Variants in RIPK2 observed in about 807,000 individuals in gnomAD.
RIPK2 encodes the protein receptor interacting serine/threonine kinase 2, also known as receptor-interacting serine/threonine-protein kinase 2.
A neutral mutation model predicts 60.9 loss-of-function variants in RIPK2; 38 were observed. The ratio of observed to expected loss-of-function variants is 0.62; its 90% CI spans 0.48 to 0.82. The LOEUF (loss-of-function observed/expected upper bound fraction) is 0.82. Ranked by LOEUF, RIPK2 falls within the 40% of genes least tolerant of loss-of-function variation. The probability of loss-of-function intolerance (pLI) is 0.00; values close to 1 mark genes in which losing one functional copy is unlikely to be tolerated. For missense variants in RIPK2, 518 were observed against 647.0 expected (o/e 0.80, Z 2.16); for synonymous variants, 225 against 223.4 (o/e 1.01, Z -0.06).
rs781576459 is a variant in RIPK2, at chr8:89,758,247, G to A, written c.173+14G>A. ...GCTGCTCGACAGGTAGGCAGTCACT[G>A]GGGTTCCCTGGAAGAGCCCTCAACT... is the stretch of plus-strand genomic sequence containing the variant. On this transcript the variant is annotated intron_variant, in intron 1 of 10. Coordinates refer to ENST00000220751, the MANE Select transcript of RIPK2 (RefSeq NM_003821.6). 13 of 1,586,490 alleles carry A rather than the reference G, an allele frequency of 8.2e-6. No individual in the cohort carries two copies. The highest frequency in any genetic ancestry group is 1.3e-5 in the African/African-American group (1 of 74,078).
At chr8:89,788,568 C>T (rs1490787463) in intron 9 of RIPK2, among the ~76,000 whole-genome samples, 3 of 150,300 alleles carry the variant, frequency 2.0e-5, no homozygotes, top group Non-Finnish European at 4.4e-5. Flanking sequence ...CCTGAGGTCA[C>T]GAGTTCAAGA....
At chr8:89,761,722 A>AC (rs1809147941) in intron 1 of RIPK2, among the ~76,000 whole-genome samples, 1 of 151,492 alleles carries the variant, frequency 6.6e-6, no homozygotes, top group South Asian at 2.1e-4. Context: ...TAAAAAAAAA[A>AC]AAAGTTTCCA....
In RIPK2 at chr8:89,758,183, C is replaced by T; in HGVS notation, c.123C>T (p.Arg41=). The change falls in exon 1 of 11, where the codon CGC becomes CGT. Residue 41 remains arginine, a synonymous_variant. Transcript: ENST00000220751. ...TVSSARHADW[R]VQVAVKHLHI... Reference sequence around the variant, plus strand: ...CGTCCGCCCGCCACGCAGACTGGCGCGTCCAGGTGGCCGTGAAGCACCTGC... The same window carrying T: ...CGTCCGCCCGCCACGCAGACTGGCGTGTCCAGGTGGCCGTGAAGCACCTGC... 6.2e-7 allele frequency: 1 copy of T among 1,610,402 alleles called. No individual in the cohort carries two copies. Among genetic ancestry groups the T allele is most frequent in the East Asian group, 2.2e-5 (1 of 44,722 alleles).
At position 89,791,029 on chromosome 8, in the gene RIPK2, C is replaced by T. The variant is rs1809669883; in HGVS notation, c.*613C>T. 6.6e-6 allele frequency: 1 copy of T among 152,178 alleles called. No homozygotes were observed. Among genetic ancestry groups the T allele is most frequent in the Non-Finnish European group, 1.5e-5 (1 of 68,020 alleles). The allele number at this position is 152,178 out of a possible 1,614,324, so 9.4% of individuals were successfully genotyped here. A position where few individuals can be genotyped will look rare whatever the true frequency, so the allele number is the denominator to read the frequency against. On this transcript the variant is annotated 3_prime_UTR_variant, in exon 11 of 11. Coordinates refer to ENST00000220751, the MANE Select transcript of RIPK2 (RefSeq NM_003821.6). ...CCTCAGCCTTCCCTACTGTCACCAACAACCAAGCTAAATAAAGTCAACAGC... is the reference window on the plus strand; with the variant it reads ...CCTCAGCCTTCCCTACTGTCACCAATAACCAAGCTAAATAAAGTCAACAGC...
intron 6 of RIPK2, among the ~76,000 whole-genome samples, chr8:89,776,099 C>T (rs955662790): frequency 2.0e-5 from 3 of 152,148 alleles, no homozygotes; most frequent in African/African-American, 7.2e-5. Context: ...AAAATGTATG[C>T]ATTCTTTAGG....
At chr8:89,771,948 A>T (rs978621207) in intron 5 of RIPK2, among the ~76,000 whole-genome samples, 158 bp downstream of exon 5, 6 of 152,012 alleles carry the variant, frequency 3.9e-5, no homozygotes, top group Admixed American at 3.9e-4. Flanking sequence ...ACATACTGCA[A>T]AATATACCGG....
At chr8:89,771,852 T>A in intron 5 of RIPK2, 62 bp downstream of exon 5, 1 of 1,010,650 alleles carries the variant, frequency 9.9e-7, no homozygotes, top group Non-Finnish European at 1.5e-6. Context: ...CTCTCAGAAC[T>A]ATCTAAAAAT....
At position 89,779,310 on chromosome 8, in the gene RIPK2, GTTT is replaced by G. The variant is rs55784154; in HGVS notation, c.854-745_854-743del. Among the ~76,000 whole-genome samples, 42 of 79,112 alleles carry G rather than the reference GTTT, an allele frequency of 5.3e-4. No individual in the cohort carries two copies. The East Asian group carries it at 0.012, about 22-fold the overall frequency. 51.9% of individuals were successfully genotyped at this position (79,112 alleles called of 152,430 possible). On this transcript the variant is annotated intron_variant, in intron 6 of 10. Transcript: ENST00000220751. The stretch of plus-strand genomic sequence containing the variant: ...AGTCCAATTTTTAGGCGGTTTTTGG[GTTT>G]TTTTTTTTTTTTTTTTTTTGAGATG...
Position 89,757,924 on chromosome 8 carries a change from C to G in RIPK2, c.-137C>G. The stretch of plus-strand genomic sequence containing the variant: ...TCCGGGGAATGGGCGCCCTCGTGAC[C>G]TAGTGTTGCGGGGCAAAAAGGGTCT... On this transcript the variant is annotated 5_prime_UTR_variant, in exon 1 of 11. Coordinates refer to ENST00000220751, the MANE Select transcript of RIPK2 (RefSeq NM_003821.6). 1 of 1,401,654 alleles carries G rather than the reference C, an allele frequency of 7.1e-7. No homozygotes were observed. The allele number at this position is 1,401,654 out of a possible 1,614,324, so 86.8% of individuals were successfully genotyped here. A position where few individuals can be genotyped will look rare whatever the true frequency, so the allele number is the denominator to read the frequency against.
intron 7 of RIPK2, among the ~76,000 whole-genome samples, chr8:89,782,039 G>A (rs990305479): frequency 1.2e-4 from 18 of 152,046 alleles, no homozygotes; most frequent in Admixed American, 1.1e-3. Context: ...GCCTGTAGTC[G>A]TAGCTACTGA....
intron 3 of RIPK2, among the ~76,000 whole-genome samples, chr8:89,765,798 G>A (rs1169026675): frequency 6.6e-6 from 1 of 151,164 alleles, no homozygotes; most frequent in Non-Finnish European, 1.5e-5. Context: ...TATATTTATA[G>A]GAAGTTGCAA....
At chr8:89,787,328 T>A (rs549737917) in intron 9 of RIPK2, among the ~76,000 whole-genome samples, 2 of 152,142 alleles carry the variant, frequency 1.3e-5, no homozygotes, top group South Asian at 4.2e-4. Flanking sequence ...AGTGGAAGAG[T>A]AACACTGTAC....
chr8:89,787,183 A>T (rs1809601744), intron 9 of RIPK2, among the ~76,000 whole-genome samples: 1 of 152,144 alleles, frequency 6.6e-6, no homozygotes. Flanking sequence ...ATTTTAAAAA[A>T]CAGGCATTAT....
At chr8:89,779,803 G>GT (rs1809467662) in intron 6 of RIPK2, among the ~76,000 whole-genome samples, 1 of 152,072 alleles carries the variant, frequency 6.6e-6, no homozygotes, top group African/African-American at 2.4e-5. Context: ...ATATCCAACT[G>GT]TTTTAGCATC....
At chr8:89,764,717 CCCTT>C (rs1342118119) in intron 2 of RIPK2, among the ~76,000 whole-genome samples, 1 of 151,876 alleles carries the variant, frequency 6.6e-6, no homozygotes, top group East Asian at 1.9e-4. Flanking sequence ...AAATGAGTGT[CCCTT>C]CCACAAAAAC....
At chr8:89,789,567 T>C in intron 10 of RIPK2, 85 bp downstream of exon 10, 1 of 1,273,808 alleles carries the variant, frequency 7.9e-7, no homozygotes, top group South Asian at 1.4e-5. Context: ...ACAATGAGGT[T>C]TGTCTTTATT....
At position 89,790,172 on chromosome 8, in the gene RIPK2, T is replaced by C; in HGVS notation, c.1379T>C (p.Leu460Pro). Residue 460 changes from leucine (L) to proline (P), a missense_variant, in exon 11 of 11, where the codon CTA becomes CCA. By Grantham distance (98) the Leu-to-Pro change is moderately conservative. Coordinates refer to ENST00000220751, the MANE Select transcript of RIPK2 (RefSeq NM_003821.6). ...ACAGAAGCCTGCCTTAACCAGTCGC[T>C]AGATGCCCTTCTGTCCAGGGACTTG... is the stretch of plus-strand genomic sequence containing the variant. The part of the protein sequence containing the change: ...QMTEACLNQS[L>P]DALLSRDLIM... 6.2e-7 allele frequency: 1 copy of C among 1,614,062 alleles called. No individual in the cohort carries two copies. The highest frequency in any genetic ancestry group is 1.1e-5 in the South Asian group (1 of 91,084).
intron 1 of RIPK2, 142 bp from the exon 2 acceptor site, chr8:89,762,687 T>G: frequency 2.3e-6 from 1 of 433,856 alleles, no homozygotes; most frequent in Non-Finnish European, 4.0e-6. Context: ...TTAAATATGA[T>G]GAAACTAAGG....
chr8:89,783,385 G>C (rs915780699), intron 7 of RIPK2, among the ~76,000 whole-genome samples: 1 of 152,122 alleles, frequency 6.6e-6, no homozygotes, highest in African/African-American at 2.4e-5. Context: ...AGTAATGTTT[G>C]GGCCTTTTTG....
Sources: allele counts gnomAD v4.1 joint callset (sites outside exome capture counted in the v4.1 genomes callset), GRCh38; gene constraint gnomAD v4.1.1; transcripts MANE v1.5; gene names NCBI Gene and HGNC (gene_info 2026-07-23, HGNC 2026-07-21).